The following REXO5 variants were observed in gnomAD, a reference collection of about 807,000 sequenced individuals.
The protein encoded by REXO5 is exonuclease NEF-sp.
REXO5 carries 48 observed loss-of-function variants against 88.5 expected under a neutral mutation model. The ratio of observed to expected loss-of-function variants is 0.54; its 90% CI spans 0.43 to 0.69. The LOEUF (loss-of-function observed/expected upper bound fraction) is 0.69, where lower values mean the gene tolerates loss of function less well. Ranked by LOEUF, REXO5 falls within the 30% of genes least tolerant of loss-of-function variation. REXO5 has a pLI of 0.00. For missense variants in REXO5, 749 were observed against 912.2 expected (o/e 0.82, Z 2.30); for synonymous variants, 311 against 336.5 (o/e 0.92, Z 0.83).
intron 8 of REXO5, 131 bp downstream of exon 8, chr16:20,826,079 C>T (rs183180545): frequency 1.6e-6 from 1 of 619,596 alleles, no homozygotes; most frequent in Admixed American, 2.9e-5. Flanking sequence ...TAGGGCATCA[C>T]ATAGGTATAT....
chr16:20,832,648 C>G (rs2081364871), intron 12 of REXO5, among the ~76,000 whole-genome samples: 2 of 152,128 alleles, frequency 1.3e-5, no homozygotes, highest in African/African-American at 4.8e-5. Flanking sequence ...CTCAAAAGGG[C>G]TTTGTCTCCA....
Position 20,846,316 on chromosome 16 carries a change from C to T in REXO5, c.2220C>T (p.Leu740=), listed in dbSNP as rs1049317208. 3.3e-5 allele frequency: 53 copies of T among 1,613,782 alleles called. No homozygotes were observed. Among genetic ancestry groups the T allele is most frequent in the Non-Finnish European group, 3.9e-5 (46 of 1,179,812 alleles). Residue 740 remains leucine (L), a synonymous_variant, in exon 19 of 20, where the codon CTC becomes CTT. Coordinates refer to ENST00000261377, the MANE Select transcript of REXO5 (RefSeq NM_030941.3). ...YNSLCPGTLC[L]ILLPGTKSTH... ...GCTTGTGCCCGGGCACTCTCTGCCTCATCCTGCTGCCAGGAACCAAGAGGT... is the reference window on the plus strand; with the variant it reads ...GCTTGTGCCCGGGCACTCTCTGCCTTATCCTGCTGCCAGGAACCAAGAGGT...
At chr16:20,826,940 G>C in intron 8 of REXO5, 118 bp from the exon 9 acceptor site, 1 of 947,560 alleles carries the variant, frequency 1.1e-6, no homozygotes, top group Non-Finnish European at 1.5e-6. Flanking sequence ...TGTCACTTTG[G>C]ACACTAAGCA....
At chr16:20,831,596 AAAG>A (rs1158411858) in intron 11 of REXO5, among the ~76,000 whole-genome samples, 1 of 152,222 alleles carries the variant, frequency 6.6e-6, no homozygotes, top group Non-Finnish European at 1.5e-5. Context: ...TTCTAAAAAA[AAAG>A]TTTATTTTTA....
At position 20,849,560 on chromosome 16, in the gene REXO5, C is replaced by T; in HGVS notation, c.*80C>T. On this transcript the variant is annotated 3_prime_UTR_variant, in exon 20 of 20. Transcript: ENST00000261377. ...AGAATGTGGTCAGGCTGTAGCCTCC[C>T]CAACCAGCAGACAGCTTTATGGAAA... 7.9e-7 allele frequency: 1 copy of T among 1,265,104 alleles called. No homozygotes were observed. Among genetic ancestry groups the T allele is most frequent in the Admixed American group, 1.8e-5 (1 of 56,818 alleles). The allele number at this position is 1,265,104 out of a possible 1,614,324, so 78.4% of individuals were successfully genotyped here.
chr16:20,830,249 C>T (rs1333708071), intron 11 of REXO5, among the ~76,000 whole-genome samples: 3 of 151,980 alleles, frequency 2.0e-5, no homozygotes, highest in African/African-American at 4.8e-5. Flanking sequence ...TGCAGTGGTG[C>T]GATCTCTCTT....
chr16:20,833,440 T>G (rs1419156405), intron 13 of REXO5, among the ~76,000 whole-genome samples: 1 of 152,210 alleles, frequency 6.6e-6, no homozygotes, highest in Non-Finnish European at 1.5e-5. Context: ...GATTTTTTCT[T>G]TTTATATTTT....
At chr16:20,828,309 T>C in intron 10 of REXO5, 126 bp from the exon 11 acceptor site, 4 of 636,376 alleles carry the variant, frequency 6.3e-6, no homozygotes, top group Non-Finnish European at 1.1e-5. Context: ...GGAACCTTGA[T>C]TTTTGTGATG....
Position 20,844,768 on chromosome 16 carries a change from G to A in REXO5, c.1859G>A (p.Arg620His), listed in dbSNP as rs761648007. The A allele has an allele frequency of 1.6e-5, 26 of 1,614,148 alleles. No individual in the cohort carries two copies. The highest frequency in any genetic ancestry group is 1.1e-4 in the African/African-American group (8 of 75,046). Residue 620 changes from arginine (R) to histidine (H), a missense_variant, in exon 17 of 20, where the codon CGC (arginine) becomes CAC (histidine). Coordinates refer to ENST00000261377, the MANE Select transcript of REXO5 (RefSeq NM_030941.3). The part of the protein sequence containing the change: ...TFKEQLLQEP[R>H]LFLGLEAVIL... ...AAAGAACAGCTATTGCAGGAGCCCC[G>A]CCTCTTTCTTGGCCTGGAAGCTGTG...
chr16:20,831,316 T>C (rs2081341251), intron 11 of REXO5, among the ~76,000 whole-genome samples: 1 of 152,130 alleles, frequency 6.6e-6, no homozygotes, highest in Admixed American at 6.6e-5. Context: ...ACCTCACCCC[T>C]TGTGAGAAGA....
intron 15 of REXO5, among the ~76,000 whole-genome samples, chr16:20,841,848 C>T (rs2081532632): frequency 6.6e-6 from 1 of 152,112 alleles, no homozygotes; most frequent in African/African-American, 2.4e-5. Flanking sequence ...TCAAGTGATC[C>T]ACCTCCCAAA....
intron 15 of REXO5, among the ~76,000 whole-genome samples, chr16:20,842,342 G>T (rs1437700823): frequency 1.3e-5 from 2 of 152,066 alleles, no homozygotes; most frequent in African/African-American, 2.4e-5. Context: ...TGTCTTCAAG[G>T]TTCATTCATG....
chr16:20,818,286 A>AT (rs1265301773), intron 5 of REXO5, among the ~76,000 whole-genome samples: 2 of 152,124 alleles, frequency 1.3e-5, no homozygotes, highest in Non-Finnish European at 2.9e-5. Flanking sequence ...GTCATGAGGA[A>AT]TTTTGTTGGT....
chr16:20,822,346 T>C (rs1441608389), intron 6 of REXO5, among the ~76,000 whole-genome samples: 2 of 152,244 alleles, frequency 1.3e-5, no homozygotes, highest in Non-Finnish European at 2.9e-5. Flanking sequence ...ATAGCAAGAA[T>C]TTAATAAAAG....
At chr16:20,820,525 TATATATATATATATATATA>T (rs1374289410) in intron 5 of REXO5, among the ~76,000 whole-genome samples, 26 of 7,344 alleles carry the variant, frequency 3.5e-3, no homozygotes, top group African/African-American at 7.6e-3. Flanking sequence ...TATATATATA[TATATATATATATATATATA>T]TTTTTTTTTT....
Position 20,820,366 on chromosome 16 carries a change from CAA to C in REXO5, c.476-1394_476-1393del, listed in dbSNP as rs2081150657. 1.3e-5 allele frequency among the ~76,000 whole-genome samples: 2 copies of C among 151,330 alleles called. 1 individual carries two copies. Among genetic ancestry groups the C allele is most frequent in the African/African-American group, 4.9e-5 (2 of 41,146 alleles). ...AGCTACTCACTTAGGTCATCTTGAG[CAA>C]ATATTGTTTGAAGAAGGATGTATGT... On this transcript the variant is annotated intron_variant, in intron 5 of 19. Transcript: ENST00000261377.
chr16:20,833,567 C>T (rs929460565), intron 13 of REXO5, among the ~76,000 whole-genome samples: 17 of 151,914 alleles, frequency 1.1e-4, no homozygotes, highest in Non-Finnish European at 1.5e-5. Flanking sequence ...TAAATAATTT[C>T]AACCTTACAG....
rs1157896273 is a variant in REXO5, at chr16:20,816,179, C to T, written c.442C>T (p.Gln148Ter). 2 of 1,614,020 alleles carry T rather than the reference C, an allele frequency of 1.2e-6. No homozygotes were observed. The highest frequency in any genetic ancestry group is 8.5e-7 in the Non-Finnish European group (1 of 1,179,936). ...TGATGTTGTTGGGCTACAAACTGAACAAAGAGCTGGAGATCTGCCCAAGAC... is the reference window on the plus strand; with the variant it reads ...TGATGTTGTTGGGCTACAAACTGAATAAAGAGCTGGAGATCTGCCCAAGAC... ...LADVVGLQTE[Q>*]RAGDLPKTME... The change falls in exon 5 of 20, where the codon CAA becomes TAA. Residue 148 changes from glutamine to a stop codon, truncating the protein, a stop_gained. Coordinates refer to ENST00000261377, the MANE Select transcript of REXO5 (RefSeq NM_030941.3). LOFTEE classifies it high-confidence loss of function.
chr16:20,828,425 G>T lies in REXO5; in HGVS notation c.1056-10G>T. 6.3e-7 allele frequency: 1 copy of T among 1,580,486 alleles called. No homozygotes were observed. Among genetic ancestry groups the T allele is most frequent in the South Asian group, 1.1e-5 (1 of 90,296 alleles). ...GCTTCCAGTATGTCAATTTTATATT[G>T]ACTTTCCAGGAAGGATATACAGTGT... On this transcript the variant is annotated splice_polypyrimidine_tract_variant and intron_variant, in intron 10 of 19. Coordinates refer to ENST00000261377, the MANE Select transcript of REXO5 (RefSeq NM_030941.3).
Sources: gnomAD v4.1 joint callset for allele counts (sites outside exome capture counted in the v4.1 genomes callset) on GRCh38, gnomAD v4.1.1 for gene constraint, MANE v1.5 for transcripts, NCBI Gene and HGNC (gene_info 2026-07-23, HGNC 2026-07-21) for gene names.